The following HELZ variants were observed in gnomAD, a reference collection of about 807,000 sequenced individuals.
HELZ encodes ATP-dependent RNA helicase with zinc finger domain.
Under a neutral mutation model 218.2 loss-of-function variants are expected in HELZ, and 23 were observed. The ratio of observed to expected loss-of-function variants is 0.11; its 90% CI spans 0.08 to 0.15. The LOEUF (loss-of-function observed/expected upper bound fraction) is 0.15, where lower values mean the gene tolerates loss of function less well. Among genes scored for constraint, HELZ ranks in the 10% least tolerant of loss-of-function variants. The probability of loss-of-function intolerance (pLI) is 1.00; values close to 1 mark genes in which losing one functional copy is unlikely to be tolerated. For synonymous variants in HELZ, 814 were observed against 829.4 expected (o/e 0.98, Z 0.32); for missense variants, 1,813 against 2,353.7 (o/e 0.77, Z 4.75).
At chr17:67,132,426 G>A (rs914388851) in intron 23 of HELZ, among the ~76,000 whole-genome samples, 2 of 152,196 alleles carry the variant, frequency 1.3e-5, no homozygotes, top group Non-Finnish European at 2.9e-5. Flanking sequence ...ATTTATCTGA[G>A]CATATCCATC....
intron 31 of HELZ, among the ~76,000 whole-genome samples, chr17:67,090,402 G>A (rs1026742796): frequency 6.6e-6 from 1 of 152,122 alleles, no homozygotes; most frequent in African/African-American, 2.4e-5. Context: ...TTTGGTATCA[G>A]AGTAATGCTG....
At chr17:67,197,381 T>C (rs1419173349) in intron 7 of HELZ, among the ~76,000 whole-genome samples, 2 of 152,192 alleles carry the variant, frequency 1.3e-5, no homozygotes, top group African/African-American at 4.8e-5. Context: ...ATGTCTTTAT[T>C]AGCAGCGTGA....
intron 3 of HELZ, among the ~76,000 whole-genome samples, chr17:67,234,043 C>CAAAAA (rs551566138): frequency 1.0e-5 from 1 of 98,672 alleles, no homozygotes. Flanking sequence ...GACTCCATCT[C>CAAAAA]AAAAAAAAAA....
chr17:67,162,516 G>A (rs572092705), intron 15 of HELZ, among the ~76,000 whole-genome samples: 9 of 152,192 alleles, frequency 5.9e-5, no homozygotes, highest in Admixed American at 5.9e-4. Context: ...GCTAAGTCCA[G>A]ATCTAATGTA....
intron 13 of HELZ, chr17:67,176,560 G>A (rs993257604): frequency 6.6e-6 from 1 of 152,260 alleles, no homozygotes; most frequent in Non-Finnish European, 1.5e-5. Context: ...ACTGGGCCAG[G>A]GGCGGTGGCT....
At position 67,218,569 on chromosome 17, in the gene HELZ, T is replaced by C. The variant is rs369522684; in HGVS notation, c.210+26A>G. ...AAAGGCCATTTTACATAGTTCAGCA[T>C]TGGCTTATTGACAGTGTTTACTCAC... On this transcript the variant is annotated intron_variant, in intron 4 of 32. Coordinates refer to ENST00000358691, the MANE Select transcript of HELZ (RefSeq NM_014877.4). The C allele has an allele frequency of 5.9e-6, 9 of 1,535,658 alleles. No homozygotes were observed. The African/African-American group carries it at 6.8e-5, about 12-fold the overall frequency.
chr17:67,109,718 C>G, intron 28 of HELZ, 32 bp from the exon 29 acceptor site: 1 of 1,519,116 alleles, frequency 6.6e-7, no homozygotes, highest in Non-Finnish European at 9.0e-7. Context: ...TTTTTAACTG[C>G]AGAAGATTCA....
chr17:67,211,719 G>T (rs575430419), intron 5 of HELZ, among the ~76,000 whole-genome samples: 46 of 152,016 alleles, frequency 3.0e-4, no homozygotes, highest in African/African-American at 1.1e-3. Flanking sequence ...AAATTAGCTG[G>T]GCGTGGTAGC....
Position 67,235,982 on chromosome 17 carries a change from G to T in HELZ, c.-19+3451C>A, listed in dbSNP as rs369612711. On this transcript the variant is annotated intron_variant, in intron 3 of 32. Transcript: ENST00000358691. ...TCATCGTGTTAGCCAGGATGGTCTC[G>T]ATCTCCTGACCTCCTGATCCGCCCG... 4.0e-5 allele frequency among the ~76,000 whole-genome samples: 6 copies of T among 151,828 alleles called. No individual in the cohort carries two copies. The East Asian group carries it at 1.2e-3, about 30-fold the overall frequency.
rs1598151311 is a variant in HELZ, at chr17:67,071,443, T to A, written c.*6809A>T. 1.3e-5 allele frequency: 2 copies of A among 152,098 alleles called. No homozygotes were observed. The highest frequency in any genetic ancestry group is 4.1e-4 in the South Asian group (2 of 4,826). 9.4% of individuals were successfully genotyped at this position (152,098 alleles called of 1,614,324 possible). ...GAACCCAGGCTGAAAATATAAACAA[T>A]CCTCTCCAAAGGTGAGCAAGCCTTT... On this transcript the variant is annotated 3_prime_UTR_variant, in exon 33 of 33. Transcript: ENST00000358691.
At chr17:67,149,815 T>A in intron 19 of HELZ, 52 bp downstream of exon 19, 1 of 1,028,944 alleles carries the variant, frequency 9.7e-7, no homozygotes. Flanking sequence ...ATATTAAACA[T>A]CAAAATATAA....
At chr17:67,195,491 G>T in intron 7 of HELZ, 21 bp from the exon 8 acceptor site, 1 of 1,499,468 alleles carries the variant, frequency 6.7e-7, no homozygotes, top group South Asian at 1.1e-5. Flanking sequence ...CCAAATGAAA[G>T]AATTTTTTAA....
intron 3 of HELZ, among the ~76,000 whole-genome samples, chr17:67,226,578 G>C (rs1189147452): frequency 6.6e-6 from 1 of 152,066 alleles, no homozygotes; most frequent in African/African-American, 2.4e-5. Context: ...CTGGAAAAAG[G>C]GTTTGCAGCT....
intron 31 of HELZ, among the ~76,000 whole-genome samples, chr17:67,098,249 G>A (rs567993907): frequency 1.3e-5 from 2 of 152,254 alleles, no homozygotes; most frequent in South Asian, 4.1e-4. Context: ...GGACTGTCAG[G>A]AGTCTCCACT....
intron 31 of HELZ, among the ~76,000 whole-genome samples, chr17:67,093,025 A>G (rs548057764): frequency 6.6e-6 from 1 of 152,334 alleles, no homozygotes; most frequent in South Asian, 2.1e-4. Flanking sequence ...CCAGCATAAA[A>G]GATAGTCCCA....
At chr17:67,242,852 A>G (rs2041362788) in intron 2 of HELZ, among the ~76,000 whole-genome samples, 1 of 151,770 alleles carries the variant, frequency 6.6e-6, no homozygotes, top group Non-Finnish European at 1.5e-5. Flanking sequence ...AAAAAAAAAA[A>G]GGATAGCTTA....
intron 22 of HELZ, among the ~76,000 whole-genome samples, chr17:67,137,305 T>C (rs1190754961): frequency 6.6e-6 from 1 of 152,222 alleles, no homozygotes; most frequent in Non-Finnish European, 1.5e-5. Flanking sequence ...CTCTGGGTGC[T>C]TTCTAATTTA....
chr17:67,125,594 C>T (rs2037769399), intron 24 of HELZ, among the ~76,000 whole-genome samples: 1 of 151,758 alleles, frequency 6.6e-6, no homozygotes. Flanking sequence ...GCTAATGACT[C>T]AACAACCAGG....
At chr17:67,160,845 A>C (rs1483457234) in intron 16 of HELZ, 52 bp downstream of exon 16, 1 of 1,303,230 alleles carries the variant, frequency 7.7e-7, no homozygotes, top group East Asian at 2.4e-5. Flanking sequence ...TAAAACAAGA[A>C]CAGAGGTAGT....
Sources: gnomAD v4.1 joint callset for allele counts (sites outside exome capture counted in the v4.1 genomes callset) on GRCh38, gnomAD v4.1.1 for gene constraint, MANE v1.5 for transcripts, NCBI Gene and HGNC (gene_info 2026-07-23, HGNC 2026-07-21) for gene names.